The following VKORC1 variants were observed in gnomAD, a reference collection of about 807,000 sequenced individuals.
VKORC1 encodes vitamin K epoxide reductase complex subunit 1, also known as phylloquinone epoxide reductase.
A neutral mutation model predicts 14.8 loss-of-function variants in VKORC1; 12 were observed. That is an observed-to-expected ratio of 0.81 (90% confidence interval 0.52 to 1.31). The LOEUF is 1.31. Among genes scored for constraint, VKORC1 ranks in the 50% most tolerant of loss-of-function variants. The pLI, the probability that VKORC1 is intolerant of heterozygous loss-of-function variation, is 0.00. For missense variants in VKORC1, 223 were observed against 215.3 expected (o/e 1.04, Z -0.22); for synonymous variants, 94 against 92.5 (o/e 1.02, Z -0.09).
intron 2 of VKORC1, 111 bp downstream of exon 2, chr16:31,093,194 GAGCAGCT>G: frequency 4.6e-6 from 5 of 1,090,470 alleles, no homozygotes; most frequent in Non-Finnish European, 6.7e-6. Flanking sequence ...GCTCCGTGAT[GAGCAGCT>G]AGCTGGCTGT....
At position 31,094,505 on chromosome 16, in the gene VKORC1, G is replaced by A. The variant is rs934166551; in HGVS notation, c.173+52C>T. The A allele has an allele frequency of 3.1e-6, 5 of 1,612,570 alleles. No individual in the cohort carries two copies. In the African/African-American group the frequency reaches 5.3e-5, roughly 17 times the overall value. On this transcript the variant is annotated intron_variant, in intron 1 of 2. Coordinates refer to ENST00000394975, the MANE Select transcript of VKORC1 (RefSeq NM_024006.6). ...TCCCAGACTCCAGAATAATCATCTG[G>A]CATCCTGGCCGCCCTGCTCCGAGGC...
At chr16:31,093,176 C>G in intron 2 of VKORC1, 136 bp downstream of exon 2, 1 of 929,590 alleles carries the variant, frequency 1.1e-6, no homozygotes, top group Admixed American at 2.1e-5. Flanking sequence ...CATCCCCACC[C>G]GCAGGACGCT....
In VKORC1 at chr16:31,093,650, G is replaced by C. The variant is rs978609870; in HGVS notation, c.174-229C>G. The C allele has an allele frequency of 4.0e-6, 4 of 996,910 alleles. No homozygotes were observed. In the East Asian group the frequency reaches 8.9e-5, roughly 22 times the overall value. The allele number at this position is 996,910 out of a possible 1,614,324, so 61.8% of individuals were successfully genotyped here. A position where few individuals can be genotyped will look rare whatever the true frequency, so the allele number is the denominator to read the frequency against. ...CCCTCTCCCCAGACCAGGCCCGGAC[G>C]TGGCTACTCCGTAGGCCCTGCTTTT... On this transcript the variant is annotated intron_variant, in intron 1 of 2. Coordinates refer to ENST00000394975, the MANE Select transcript of VKORC1 (RefSeq NM_024006.6).
intron 2 of VKORC1, among the ~76,000 whole-genome samples, chr16:31,092,253 C>T (rs891802350): frequency 3.4e-5 from 5 of 146,630 alleles, no homozygotes; most frequent in African/African-American, 5.1e-5. Flanking sequence ...TCAGGAGGAT[C>T]GCTTGAGCCA....
chr16:31,091,364 G>C (rs745742409), intron 2 of VKORC1, 22 bp from the exon 3 acceptor site: 1 of 1,606,606 alleles, frequency 6.2e-7, no homozygotes, highest in Admixed American at 1.7e-5. Flanking sequence ...AAGAGGGTCC[G>C]GTGTGGGCTT....
intron 1 of VKORC1, chr16:31,094,012 A>C (rs2057310094): frequency 1.2e-6 from 1 of 844,802 alleles, no homozygotes; most frequent in Non-Finnish European, 1.8e-6. Flanking sequence ...CCCTTAAGTA[A>C]TTCTTAAAAT....
intron 2 of VKORC1, among the ~76,000 whole-genome samples, chr16:31,091,955 G>A (rs1243349657): frequency 6.6e-6 from 1 of 151,980 alleles, no homozygotes; most frequent in Non-Finnish European, 1.5e-5. Context: ...CAAGGCGGAT[G>A]GATCACCAGG....
chr16:31,094,285 C>G (rs778247610), intron 1 of VKORC1: 2 of 1,612,828 alleles, frequency 1.2e-6, no homozygotes, highest in Non-Finnish European at 1.7e-6. Context: ...ATCCTGCCTC[C>G]CCGCCTTTCC....
intron 1 of VKORC1, chr16:31,093,832 C>G (rs1170402966): frequency 1.1e-5 from 3 of 278,338 alleles, no homozygotes; most frequent in Admixed American, 5.0e-5. Flanking sequence ...TTAGCCCCCC[C>G]GAGTAGCTGG....
intron 2 of VKORC1, among the ~76,000 whole-genome samples, chr16:31,092,328 T>G (rs1320212949): frequency 7.3e-6 from 1 of 136,712 alleles, no homozygotes; most frequent in African/African-American, 2.7e-5. Context: ...GATTATTTCT[T>G]AAAAAAAAAA....
intron 2 of VKORC1, 51 bp from the exon 3 acceptor site, chr16:31,091,393 C>G (rs760028405): frequency 1.3e-6 from 2 of 1,580,588 alleles, no homozygotes; most frequent in East Asian, 2.3e-5. Flanking sequence ...GGCCACCTCC[C>G]GAACACTCCA....
chr16:31,094,653 G>A lies in VKORC1; in HGVS notation c.77C>T (p.Ala26Val). 2 of 1,607,444 alleles carry A rather than the reference G, an allele frequency of 1.2e-6. No individual in the cohort carries two copies. The highest frequency in any genetic ancestry group is 1.7e-6 in the Non-Finnish European group (2 of 1,178,466). ...GGCGCGCGCCGCCTTCACGTGCAGC[G>A]CGTAGAGCGAGAGCACTAAGCCCGT... ...CLTGLVLSLYALHVKAARARD... is the reference protein window; with the variant it reads ...CLTGLVLSLYVLHVKAARARD... Residue 26 changes from alanine (A) to valine (V), a missense_variant, in exon 1 of 3, where the codon GCG becomes GTG. Transcript: ENST00000394975.
chr16:31,094,710 C>A lies in VKORC1; in HGVS notation c.20G>T (p.Ser7Ile), dbSNP rs755166588. 2.0e-5 allele frequency: 32 copies of A among 1,607,386 alleles called. No individual in the cohort carries two copies. Among genetic ancestry groups the A allele is most frequent in the South Asian group, 8.8e-5 (8 of 90,544 alleles). The change falls in exon 1 of 3, where the codon AGC becomes ATC. Residue 7 changes from serine (S) to isoleucine (I), a missense_variant. Coordinates refer to ENST00000394975, the MANE Select transcript of VKORC1 (RefSeq NM_024006.6). MGSTWG[S>I]PGWVRLALCL... ...AAGAGCGAGCCGCACCCAGCCAGGG[C>A]TCCCCCAGGTGCTGCCCATTATCTC... is the stretch of plus-strand genomic sequence containing the variant.
At chr16:31,091,429 C>T in intron 2 of VKORC1, 87 bp from the exon 3 acceptor site, 2 of 1,549,368 alleles carry the variant, frequency 1.3e-6, no homozygotes, top group African/African-American at 1.4e-5. Flanking sequence ...ACCTAGATGC[C>T]AGGAGCTGCT....
intron 1 of VKORC1, 169 bp from the exon 2 acceptor site, chr16:31,093,590 C>G: frequency 6.6e-7 from 1 of 1,505,502 alleles, no homozygotes; most frequent in Non-Finnish European, 8.9e-7. Flanking sequence ...GCACCTTTGG[C>G]CACGTCAGGA....
chr16:31,094,777 A>C lies in VKORC1; in HGVS notation c.-48T>G, dbSNP rs1271265836. 1 of 1,556,984 alleles carries C rather than the reference A, an allele frequency of 6.4e-7. No individual in the cohort carries two copies. Among genetic ancestry groups the C allele is most frequent in the Non-Finnish European group, 8.6e-7 (1 of 1,156,174 alleles). The stretch of plus-strand genomic sequence containing the variant: ...CGCCCGCGGAGAAAACCAGCCACGG[A>C]GCAGGGGCCGGGCGGCGAATGGCCG... On this transcript the variant is annotated 5_prime_UTR_variant, in exon 1 of 3. Transcript: ENST00000394975.
chr16:31,094,543 A>G lies in VKORC1; in HGVS notation c.173+14T>C, dbSNP rs1275083194. 1.9e-6 allele frequency: 3 copies of G among 1,612,272 alleles called. No individual in the cohort carries two copies. Among genetic ancestry groups the G allele is most frequent in the Admixed American group, 1.7e-5 (1 of 59,850 alleles). ...CCTGCTCCGAGGCCCCACGCCTCCC[A>G]CTCCCGTGCACACCTGGAGGAGAAG... On this transcript the variant is annotated intron_variant, in intron 1 of 2. Coordinates refer to ENST00000394975, the MANE Select transcript of VKORC1 (RefSeq NM_024006.6).
chr16:31,092,119 A>C (rs868808928), intron 2 of VKORC1, among the ~76,000 whole-genome samples: 2 of 136,624 alleles, frequency 1.5e-5, no homozygotes, highest in Middle Eastern at 3.9e-3. Flanking sequence ...CAGAGGTTGC[A>C]GTGAGCCAAG....
chr16:31,093,930 C>G, intron 1 of VKORC1: 2 of 390,186 alleles, frequency 5.1e-6, no homozygotes, highest in South Asian at 6.0e-5. Flanking sequence ...TGGTCAACTC[C>G]TGACTTCAAG....
Sources: allele counts gnomAD v4.1 joint callset (sites outside exome capture counted in the v4.1 genomes callset), GRCh38; gene constraint gnomAD v4.1.1; transcripts MANE v1.5; gene names NCBI Gene and HGNC (gene_info 2026-07-23, HGNC 2026-07-21).